The following SLC2A13 variants were observed in gnomAD, a reference collection of about 807,000 sequenced individuals.
The protein encoded by SLC2A13 is solute carrier family 2 member 13.
In SLC2A13, 32 loss-of-function variants were observed where a neutral mutation model predicts 64.4. The observed-to-expected ratio is 0.50, with a 90% CI of 0.37 to 0.67. The LOEUF (loss-of-function observed/expected upper bound fraction) is 0.67. SLC2A13 is among the 30% of genes least tolerant of loss of function. The pLI is 0.00. For synonymous variants in SLC2A13, 338 were observed against 327.1 expected, an observed-to-expected ratio of 1.03 and a Z score of -0.36; for missense variants, 743 against 829.2, an observed-to-expected ratio of 0.90 and a Z score of 1.28.
intron 4 of SLC2A13, among the ~76,000 whole-genome samples, chr12:39,922,140 T>C (rs973006414): frequency 7.9e-5 from 12 of 152,180 alleles, no homozygotes; most frequent in Non-Finnish European, 1.0e-4. Context: ...CAAAAAACCA[T>C]TATTCTCTGT....
At chr12:39,799,067 T>G (rs1941678986) in intron 7 of SLC2A13, among the ~76,000 whole-genome samples, 1 of 148,396 alleles carries the variant, frequency 6.7e-6, no homozygotes, top group African/African-American at 2.5e-5. Context: ...CTGTTCTGGT[T>G]TTTTTTTTTT....
chr12:39,980,726 G>T (rs994693723), intron 3 of SLC2A13, among the ~76,000 whole-genome samples: 12 of 152,042 alleles, frequency 7.9e-5, no homozygotes, highest in Non-Finnish European at 1.5e-4. Flanking sequence ...ATAATAATGG[G>T]AGACTTTAAC....
intron 7 of SLC2A13, among the ~76,000 whole-genome samples, chr12:39,826,012 G>T (rs1942662652): frequency 6.6e-6 from 1 of 151,972 alleles, no homozygotes; most frequent in Non-Finnish European, 1.5e-5. Flanking sequence ...CTGTTGTTTT[G>T]TAGTTTTATT....
At chr12:39,919,123 C>T (rs746565289) in intron 4 of SLC2A13, among the ~76,000 whole-genome samples, 7 of 151,996 alleles carry the variant, frequency 4.6e-5, no homozygotes, top group Admixed American at 1.3e-4. Context: ...TGGGACTACA[C>T]GCTTGTGTGC....
chr12:39,812,349 TTTCTTTTC>T (rs1318756892), intron 7 of SLC2A13, among the ~76,000 whole-genome samples: 1 of 127,266 alleles, frequency 7.9e-6, no homozygotes, highest in East Asian at 2.3e-4. Context: ...TTTCTTTTCT[TTTCTTTTC>T]TTTTCTTTTC....
At chr12:39,830,023 T>G (rs1047676893) in intron 7 of SLC2A13, 80 bp downstream of exon 7, 24 of 1,568,208 alleles carry the variant, frequency 1.5e-5, no homozygotes, top group Non-Finnish European at 2.1e-5. Context: ...CTGCTATAAG[T>G]GCAAGCACTC....
intron 3 of SLC2A13, among the ~76,000 whole-genome samples, chr12:39,955,035 T>C (rs1055878496): frequency 5.3e-5 from 8 of 152,186 alleles, no homozygotes; most frequent in African/African-American, 1.7e-4. Context: ...TTAAACCACA[T>C]TCCACCAAAT....
At chr12:39,870,345 T>C (rs1334707785) in intron 5 of SLC2A13, among the ~76,000 whole-genome samples, 1 of 152,230 alleles carries the variant, frequency 6.6e-6, no homozygotes, top group Non-Finnish European at 1.5e-5. Context: ...TCCAGCCCAC[T>C]GTGGAAATTT....
intron 3 of SLC2A13, among the ~76,000 whole-genome samples, chr12:39,972,029 A>AATAT (rs1180132583): frequency 5.7e-5 from 5 of 88,346 alleles, no homozygotes; most frequent in South Asian, 3.8e-4. Flanking sequence ...TTTTTATATA[A>AATAT]ATATATATAT....
At chr12:40,040,024 A>C (rs1948058882) in intron 2 of SLC2A13, among the ~76,000 whole-genome samples, 1 of 152,248 alleles carries the variant, frequency 6.6e-6, no homozygotes, top group Admixed American at 6.5e-5. Flanking sequence ...AGACTTATAC[A>C]AACTGCTCTG....
intron 1 of SLC2A13, among the ~76,000 whole-genome samples, chr12:40,087,991 A>G (rs1332355540): frequency 6.6e-6 from 1 of 152,218 alleles, no homozygotes; most frequent in Non-Finnish European, 1.5e-5. Flanking sequence ...AGATATGTTA[A>G]AACTAAAATG....
At chr12:39,815,280 A>G (rs970228139) in intron 7 of SLC2A13, among the ~76,000 whole-genome samples, 2 of 152,236 alleles carry the variant, frequency 1.3e-5, no homozygotes, top group African/African-American at 4.8e-5. Flanking sequence ...AACAGAATAA[A>G]GCAGAGAATA....
intron 1 of SLC2A13, among the ~76,000 whole-genome samples, chr12:40,073,800 C>T (rs979916142): frequency 2.6e-5 from 4 of 151,762 alleles, no homozygotes; most frequent in Non-Finnish European, 5.9e-5. Flanking sequence ...TATGATCTGG[C>T]TTATTTCAGG....
intron 7 of SLC2A13, among the ~76,000 whole-genome samples, chr12:39,825,503 G>A (rs747550154): frequency 6.6e-6 from 1 of 152,118 alleles, no homozygotes; most frequent in Non-Finnish European, 1.5e-5. Context: ...ATTCTCATCT[G>A]TAAGTAGGGT....
chr12:39,987,369 GT>G (rs1406284095), intron 3 of SLC2A13, among the ~76,000 whole-genome samples: 1 of 152,142 alleles, frequency 6.6e-6, no homozygotes, highest in Non-Finnish European at 1.5e-5. Flanking sequence ...AATTTGCCCT[GT>G]CTCTTGAACC....
intron 1 of SLC2A13, among the ~76,000 whole-genome samples, chr12:40,058,350 T>C (rs950095827): frequency 6.6e-5 from 10 of 152,240 alleles, no homozygotes; most frequent in African/African-American, 2.4e-4. Flanking sequence ...TCTACATGCA[T>C]ACCTTTTGCA....
At chr12:39,904,092 AGGT>A (rs1945206722) in intron 4 of SLC2A13, among the ~76,000 whole-genome samples, 1 of 152,162 alleles carries the variant, frequency 6.6e-6, no homozygotes, top group South Asian at 2.1e-4. Flanking sequence ...TCACAGGTTC[AGGT>A]GGTGAAGTTG....
chr12:39,766,923 T>A (rs1940372900), intron 7 of SLC2A13, among the ~76,000 whole-genome samples: 1 of 152,092 alleles, frequency 6.6e-6, no homozygotes, highest in Non-Finnish European at 1.5e-5. Context: ...TCCCCTAAAG[T>A]CTTCAGCCCT....
At chr12:39,832,610 G>T (rs1013227087) in intron 6 of SLC2A13, among the ~76,000 whole-genome samples, 7 of 152,052 alleles carry the variant, frequency 4.6e-5, no homozygotes, top group African/African-American at 1.7e-4. Context: ...CACACACTAT[G>T]CTAGGTGCTG....
Sources: gnomAD v4.1 joint callset for allele counts (sites outside exome capture counted in the v4.1 genomes callset) on GRCh38, gnomAD v4.1.1 for gene constraint, MANE v1.5 for transcripts, NCBI Gene and HGNC (gene_info 2026-07-23, HGNC 2026-07-21) for gene names.